Variants in PDE1A observed in about 807,000 individuals in gnomAD.
PDE1A encodes the protein phosphodiesterase 1A.
A neutral mutation model predicts 61.7 loss-of-function variants in PDE1A; 35 were observed. The observed-to-expected ratio is 0.57, with a 90% confidence interval of 0.43 to 0.75. The LOEUF (loss-of-function observed/expected upper bound fraction) is 0.75. PDE1A is among the 30% of genes least tolerant of loss of function. PDE1A has a pLI of 0.00. For missense variants in PDE1A, 597 were observed against 630.6 expected (o/e 0.95, Z 0.57); for synonymous variants, 232 against 213.2 (o/e 1.09, Z -0.77).
intron 1 of PDE1A, among the ~76,000 whole-genome samples, chr2:182,374,450 A>G (rs1381418440): frequency 2.0e-5 from 3 of 152,144 alleles, no homozygotes; most frequent in Non-Finnish European, 4.4e-5. Flanking sequence ...AATACTAACC[A>G]TAAAAGAAAA....
At chr2:182,279,686 ATATT>A (rs1008338196) in intron 1 of PDE1A, among the ~76,000 whole-genome samples, 5 of 151,942 alleles carry the variant, frequency 3.3e-5, no homozygotes, top group African/African-American at 1.2e-4. Flanking sequence ...ATTAAATGGC[ATATT>A]TAATTTACAA....
rs528069145 is a variant in PDE1A, at chr2:182,209,261, A to T, written c.777-3196T>A. 7.2e-5 allele frequency among the ~76,000 whole-genome samples: 11 copies of T among 152,046 alleles called. No individual in the cohort carries two copies. In the East Asian group the frequency reaches 2.1e-3, roughly 30 times the overall value. Reference sequence around the variant, plus strand: ...GGTGGCCGCAAGAGAGAGAATGAGAACCAAGTGAAACAGATTTCCCCTTAT... The same window carrying T: ...GGTGGCCGCAAGAGAGAGAATGAGATCCAAGTGAAACAGATTTCCCCTTAT... On this transcript the variant is annotated intron_variant, in intron 7 of 13. Transcript: ENST00000351439.
intron 6 of PDE1A, among the ~76,000 whole-genome samples, chr2:182,225,423 G>T (rs150111169): frequency 2.0e-5 from 3 of 151,978 alleles, no homozygotes; most frequent in Non-Finnish European, 4.4e-5. Context: ...GGTACCAAAG[G>T]TATAATCTTA....
At chr2:182,457,432 C>A (rs1685998331) in intron 2 of PDE1A, among the ~76,000 whole-genome samples, 1 of 151,842 alleles carries the variant, frequency 6.6e-6, no homozygotes, top group African/African-American at 2.4e-5. Context: ...ACAATAAAAT[C>A]TGTGTGTAAA....
chr2:182,316,126 A>C (rs1696325916), intron 1 of PDE1A, among the ~76,000 whole-genome samples: 1 of 152,196 alleles, frequency 6.6e-6, no homozygotes, highest in African/African-American at 2.4e-5. Context: ...CAGGAGTTGA[A>C]GATGTACTGC....
chr2:182,469,463 G>T (rs1686886366), intron 2 of PDE1A, among the ~76,000 whole-genome samples: 1 of 151,902 alleles, frequency 6.6e-6, no homozygotes, highest in Non-Finnish European at 1.5e-5. Context: ...GAGGATTAGG[G>T]CCTTGCTCCG....
At chr2:182,482,899 T>C (rs1687791494) in intron 2 of PDE1A, among the ~76,000 whole-genome samples, 1 of 151,918 alleles carries the variant, frequency 6.6e-6, no homozygotes, top group African/African-American at 2.4e-5. Context: ...AAAAGGCAGA[T>C]TATCAGACTG....
the PDE1A span, among the ~76,000 whole-genome samples, chr2:182,691,970 T>G: frequency 4.6e-5 from 7 of 152,104 alleles, 1 homozygote; most frequent in Middle Eastern, 6.8e-3. Context: ...AAAACCACAA[T>G]GAGATATCAT....
At chr2:182,670,577 G>T in the PDE1A span, among the ~76,000 whole-genome samples, 1 of 152,168 alleles carries the variant, frequency 6.6e-6, no homozygotes, top group Non-Finnish European at 1.5e-5. Context: ...AATATTCCTG[G>T]ATTTCAGACC....
intron 1 of PDE1A, among the ~76,000 whole-genome samples, chr2:182,357,039 G>A (rs1370077865): frequency 2.0e-5 from 3 of 152,056 alleles, no homozygotes; most frequent in Non-Finnish European, 4.4e-5. Context: ...TGTGGGGTGT[G>A]GGGAGCGGGG....
downstream of PDE1A, among the ~76,000 whole-genome samples, chr2:182,163,187 C>T (rs948877904): frequency 1.3e-5 from 2 of 152,140 alleles, no homozygotes; most frequent in Non-Finnish European, 2.9e-5. Flanking sequence ...ATTGCAACTG[C>T]TACACCCAAT....
intron 2 of PDE1A, among the ~76,000 whole-genome samples, chr2:182,457,489 T>C (rs1317083779): frequency 6.6e-6 from 1 of 151,954 alleles, no homozygotes; most frequent in East Asian, 1.9e-4. Flanking sequence ...AGTTTGTAGA[T>C]GGTAATTAAG....
the PDE1A span, among the ~76,000 whole-genome samples, chr2:182,684,698 G>A: frequency 6.6e-6 from 1 of 152,158 alleles, no homozygotes. Context: ...TTACAGGCAT[G>A]CGCCACCACA....
At chr2:182,349,334 C>G (rs1172476993) in intron 1 of PDE1A, among the ~76,000 whole-genome samples, 1 of 152,158 alleles carries the variant, frequency 6.6e-6, no homozygotes, top group African/African-American at 2.4e-5. Context: ...AAATACTGGC[C>G]TCCAACTGTG....
At position 182,447,524 on chromosome 2, in the gene PDE1A, C is replaced by T. The variant is rs1314874704; in HGVS notation, c.101+74752G>A. Among the ~76,000 whole-genome samples, 4 of 152,050 alleles carry T rather than the reference C, an allele frequency of 2.6e-5. No homozygotes were observed. The East Asian group carries it at 7.8e-4, about 29-fold the overall frequency. ...CTGTAGACCACCAACAAGTAAAGGT[C>T]CTCACACTTCCCAGTAAGGATGATG... On this transcript the variant is annotated intron_variant, in intron 2 of 14. Transcript: ENST00000410103.
the PDE1A span, among the ~76,000 whole-genome samples, chr2:182,696,424 A>T: frequency 6.6e-6 from 1 of 152,200 alleles, no homozygotes; most frequent in African/African-American, 2.4e-5. Flanking sequence ...AACTATGGAG[A>T]TAGTAGAAAG....
At chr2:182,324,071 T>C (rs571389416) in intron 1 of PDE1A, among the ~76,000 whole-genome samples, 4 of 152,308 alleles carry the variant, frequency 2.6e-5, no homozygotes, top group South Asian at 4.1e-4. Context: ...GTGCTATTAA[T>C]TTTTACTGTT....
intron 1 of PDE1A, among the ~76,000 whole-genome samples, chr2:182,418,131 C>T (rs894527898): frequency 1.3e-5 from 2 of 152,100 alleles, no homozygotes; most frequent in Non-Finnish European, 1.5e-5. Flanking sequence ...TTTATTATTA[C>T]GATTTCCAAA....
chr2:182,276,910 C>A (rs983743600), intron 1 of PDE1A, among the ~76,000 whole-genome samples: 1 of 151,890 alleles, frequency 6.6e-6, no homozygotes, highest in African/African-American at 2.4e-5. Flanking sequence ...TCCTGCAGTA[C>A]CCTCGGGCTT....
Sources: allele counts gnomAD v4.1 joint callset (sites outside exome capture counted in the v4.1 genomes callset), GRCh38; gene constraint gnomAD v4.1.1; transcripts MANE v1.5; gene names NCBI Gene and HGNC (gene_info 2026-07-23, HGNC 2026-07-21).